Variants in PCSK6 observed in about 807,000 individuals in gnomAD.
PCSK6 encodes the protein proprotein convertase subtilisin/kexin type 6.
A neutral mutation model predicts 123.3 loss-of-function variants in PCSK6; 85 were observed. The ratio of observed to expected loss-of-function variants is 0.69; its 90% CI spans 0.58 to 0.83. The LOEUF is 0.83. PCSK6 is among the 40% of genes least tolerant of loss of function. PCSK6 has a pLI of 0.00. For missense variants in PCSK6, 1,191 were observed against 1,282.3 expected, an observed-to-expected ratio of 0.93 and a Z score of 1.09; for synonymous variants, 508 against 516.0, an observed-to-expected ratio of 0.98 and a Z score of 0.21.
At chr15:101,366,786 CAG>C (rs1355150893) in intron 12 of PCSK6, among the ~76,000 whole-genome samples, 1 of 152,178 alleles carries the variant, frequency 6.6e-6, no homozygotes, top group Admixed American at 6.5e-5. Context: ...CACCGAAGCC[CAG>C]AGAGTGCTCA....
chr15:101,460,026 C>A (rs1447541053), intron 1 of PCSK6, among the ~76,000 whole-genome samples: 1 of 152,130 alleles, frequency 6.6e-6, no homozygotes, highest in African/African-American at 2.4e-5. Flanking sequence ...CTGATGTTTG[C>A]CACCCACTAT....
intron 21 of PCSK6, 84 bp downstream of exon 21, chr15:101,307,129 T>C: frequency 1.0e-6 from 1 of 969,328 alleles, no homozygotes; most frequent in Non-Finnish European, 1.6e-6. Context: ...CATGCCTATG[T>C]GGCTTTGCTT....
chr15:101,362,802 T>C (rs1326179752), intron 13 of PCSK6, among the ~76,000 whole-genome samples: 1 of 152,212 alleles, frequency 6.6e-6, no homozygotes, highest in African/African-American at 2.4e-5. Context: ...AGAGCCAGCA[T>C]CTACCCCCAG....
At chr15:101,332,744 G>A (rs2040397394) in intron 13 of PCSK6, among the ~76,000 whole-genome samples, 1 of 152,220 alleles carries the variant, frequency 6.6e-6, no homozygotes, top group African/African-American at 2.4e-5. Flanking sequence ...AGTGCTGATG[G>A]GAGAGCTCCC....
chr15:101,404,153 G>C (rs2042699121), intron 6 of PCSK6, among the ~76,000 whole-genome samples: 1 of 152,208 alleles, frequency 6.6e-6, no homozygotes, highest in Admixed American at 6.5e-5. Context: ...TAGACAAACA[G>C]AGGTTCTTAA....
chr15:101,448,450 G>A lies in PCSK6; in HGVS notation c.298-4790C>T, dbSNP rs374294941. ...GAAGGTACAAAAGGGTACAGAGTTAGTGGGGAACAGCAATTCCCCCTCCTT... is the reference window on the plus strand; with the variant it reads ...GAAGGTACAAAAGGGTACAGAGTTAATGGGGAACAGCAATTCCCCCTCCTT... On this transcript the variant is annotated intron_variant, in intron 1 of 21. Coordinates refer to ENST00000611716, the MANE Select transcript of PCSK6 (RefSeq NM_002570.5). Among the ~76,000 whole-genome samples the A allele has an allele frequency of 9.2e-5, 14 of 152,348 alleles. No homozygotes were observed. The East Asian group carries it at 2.3e-3, about 25-fold the overall frequency.
intron 20 of PCSK6, 94 bp from the exon 21 acceptor site, chr15:101,307,419 C>T (rs2039751242): frequency 2.4e-6 from 2 of 827,290 alleles, no homozygotes; most frequent in South Asian, 3.1e-5. Context: ...GCACCTCCTT[C>T]CCACCCCCTC....
At chr15:101,459,510 G>A (rs868829864) in intron 1 of PCSK6, among the ~76,000 whole-genome samples, 180 of 61,302 alleles carry the variant, frequency 2.9e-3, no homozygotes, top group Middle Eastern at 0.021. Context: ...CACCGTTCCC[G>A]TCCCCCCACC....
intron 6 of PCSK6, among the ~76,000 whole-genome samples, chr15:101,418,184 AG>A (rs748941434): frequency 9.9e-5 from 15 of 152,218 alleles, no homozygotes; most frequent in African/African-American, 3.1e-4. Flanking sequence ...AAACCTGAAT[AG>A]GTCTAGTCCT....
intron 13 of PCSK6, among the ~76,000 whole-genome samples, chr15:101,349,876 A>G (rs1298289629): frequency 6.6e-6 from 1 of 151,716 alleles, no homozygotes; most frequent in Non-Finnish European, 1.5e-5. Context: ...TTGGCTTTCT[A>G]TCATGATTTT....
rs149449029 is a variant in PCSK6, at chr15:101,439,315, G to A, written c.402+4241C>T. ...TGGATTGTCTTTGAGATATCTAAGC[G>A]GAAGGGCAGAGCATGTCGTGAAAGA... On this transcript the variant is annotated intron_variant, in intron 2 of 21. Coordinates refer to ENST00000611716, the MANE Select transcript of PCSK6 (RefSeq NM_002570.5). 1.3e-3 allele frequency among the ~76,000 whole-genome samples: 196 copies of A among 152,382 alleles called. 5 individuals carry two copies. In the East Asian group the frequency reaches 0.031, roughly 24 times the overall value.
At chr15:101,483,977 T>G (rs183273352) in intron 1 of PCSK6, among the ~76,000 whole-genome samples, 49 of 152,352 alleles carry the variant, frequency 3.2e-4, no homozygotes, top group African/African-American at 1.1e-3. Flanking sequence ...CCCTTTTCTT[T>G]TTTCTCTCTT....
intron 1 of PCSK6, among the ~76,000 whole-genome samples, chr15:101,459,581 T>C (rs2057292911): frequency 2.8e-5 from 2 of 70,712 alleles, no homozygotes; most frequent in African/African-American, 4.0e-5. Flanking sequence ...CACTGCACTA[T>C]CATTGGGCTC....
intron 6 of PCSK6, among the ~76,000 whole-genome samples, chr15:101,406,739 C>A (rs544110330): frequency 6.6e-6 from 1 of 152,234 alleles, no homozygotes; most frequent in Admixed American, 6.5e-5. Context: ...TCAAGGCAGA[C>A]CTACGTTCGC....
intron 13 of PCSK6, chr15:101,336,970 T>C (rs2040492570): frequency 6.6e-6 from 1 of 152,174 alleles, no homozygotes; most frequent in South Asian, 2.1e-4. Flanking sequence ...TAAGGTTAGG[T>C]TTAGACAATG....
At chr15:101,450,014 TC>T (rs1475711630) in intron 1 of PCSK6, among the ~76,000 whole-genome samples, 2 of 152,022 alleles carry the variant, frequency 1.3e-5, no homozygotes, top group African/African-American at 4.8e-5. Flanking sequence ...CAGAGCAGCA[TC>T]AACAACACTG....
In PCSK6 at chr15:101,481,949, G is replaced by A. The variant is rs145882212; in HGVS notation, c.297+7425C>T. Among the ~76,000 whole-genome samples the A allele has an allele frequency of 7.4e-4, 113 of 152,336 alleles. 2 individuals are homozygous for A. In the East Asian group the frequency reaches 0.018, roughly 24 times the overall value. On this transcript the variant is annotated intron_variant, in intron 1 of 21. Transcript: ENST00000611716. ...GAGCAGGAGCCAGTACAGATTCCCC[G>A]AGACAGAGCCATGCTGGTGTGCAGC...
chr15:101,429,608 CT>C (rs1312709577), intron 5 of PCSK6, among the ~76,000 whole-genome samples: 3 of 152,338 alleles, frequency 2.0e-5, no homozygotes, highest in Admixed American at 2.0e-4. Flanking sequence ...GTCACAAAAG[CT>C]CAGGCACGTG....
At chr15:101,433,030 T>C (rs895103932) in intron 2 of PCSK6, among the ~76,000 whole-genome samples, 7 of 152,228 alleles carry the variant, frequency 4.6e-5, no homozygotes, top group Non-Finnish European at 8.8e-5. Context: ...TGTCTTTCAA[T>C]CAGCATGATT....
Sources: gnomAD v4.1 joint callset for allele counts (sites outside exome capture counted in the v4.1 genomes callset) on GRCh38, gnomAD v4.1.1 for gene constraint, MANE v1.5 for transcripts, NCBI Gene and HGNC (gene_info 2026-07-23, HGNC 2026-07-21) for gene names.